Variants in OR1G1 observed in about 807,000 individuals in gnomAD.
OR1G1 encodes the protein olfactory receptor family 1 subfamily G member 1.
For synonymous variants in OR1G1, 145 were observed against 149.6 expected, an observed-to-expected ratio of 0.97 and a Z score of 0.22; for missense variants, 347 against 375.5, an observed-to-expected ratio of 0.92 and a Z score of 0.63.
At position 3,126,958 on chromosome 17, in the gene OR1G1, C is replaced by A; in HGVS notation, c.594G>T (p.Val198=). 5 of 1,614,132 alleles carry A rather than the reference C, an allele frequency of 3.1e-6. No individual in the cohort carries two copies. The highest frequency in any genetic ancestry group is 4.2e-6 in the Non-Finnish European group (5 of 1,180,030). ...SCTDPFTNEL[V]IFITGGLTGL... ...CTGTGAGACCCCCAGTGATGAAGAT[C>A]ACCAGCTCATTGGTGAAGGGGTCTG... The change falls in exon 1 of 1, where the codon GTG becomes GTT. Residue 198 remains valine (V), a synonymous_variant. Transcript: ENST00000328890.
In OR1G1 at chr17:3,127,020, A is replaced by G. The variant is rs1409301074; in HGVS notation, c.532T>C (p.Phe178Leu). 3 of 1,614,054 alleles carry G rather than the reference A, an allele frequency of 1.9e-6. No individual in the cohort carries two copies. Among genetic ancestry groups the G allele is most frequent in the Admixed American group, 3.3e-5 (2 of 59,998 alleles). Residue 178 changes from phenylalanine (F) to leucine (L), a missense_variant, in exon 1 of 1, where the codon TTC becomes CTC. Phe to Leu is a conservative substitution (Grantham distance 22). Transcript: ENST00000328890. ...FCANHEIPHF[F>L]CDINPLLSLS... ...CTCAGGAGGGGATTGATGTCACAGA[A>G]GAAGTGTGGGATCTCATGGTTTGCG...
rs1182713397 is a variant in OR1G1, at chr17:3,126,647, C to T, written c.905G>A (p.Arg302Lys). The change falls in exon 1 of 1, where the codon AGA (arginine) becomes AAA (lysine). Residue 302 changes from arginine to lysine, a missense_variant. Physicochemically the swap from Arg to Lys is conservative, Grantham distance 26. Transcript: ENST00000328890. ...LRNQEIKSSL[R>K]KLIWVRKIHS... ...AATTTTCCGAACCCAGATTAACTTT[C>T]TCAGGGAAGACTTTATTTCTTGGTT... The T allele has an allele frequency of 6.3e-7, 1 of 1,592,370 alleles. No individual in the cohort carries two copies. The highest frequency in any genetic ancestry group is 8.5e-7 in the Non-Finnish European group (1 of 1,171,822).
Position 3,127,417 on chromosome 17 carries a change from G to A in OR1G1, c.135C>T (p.Ile45=), listed in dbSNP as rs759166288. 6.2e-7 allele frequency: 1 copy of A among 1,614,096 alleles called. No individual in the cohort carries two copies. Among genetic ancestry groups the A allele is most frequent in the Non-Finnish European group, 8.5e-7 (1 of 1,180,000 alleles). ...YLVTVAGNLL[I]ILVIITDTQL... The stretch of plus-strand genomic sequence containing the variant: ...GAGTGTCAGTAATGATGACTAGAAT[G>A]ATGAGGAGGTTGCCTGCCACCGTGA... The change falls in exon 1 of 1, where the codon ATC becomes ATT. Residue 45 remains isoleucine, a synonymous_variant. Coordinates refer to ENST00000328890, the MANE Select transcript of OR1G1 (RefSeq NM_003555.1).
chr17:3,126,629 C>T lies in OR1G1; in HGVS notation c.923G>A (p.Arg308Gln), dbSNP rs748225161. 2.5e-5 allele frequency: 40 copies of T among 1,581,744 alleles called. No individual in the cohort carries two copies. In the East Asian group the frequency reaches 3.8e-4, roughly 15 times the overall value. The change falls in exon 1 of 1, where the codon CGG (arginine) becomes CAG (glutamine). Residue 308 changes from arginine (R) to glutamine (Q), a missense_variant. Arg to Gln is a conservative substitution (Grantham distance 43, BLOSUM62 1). Transcript: ENST00000328890. ...KSSLRKLIWVRKIHSP is the reference protein window; with the variant it reads ...KSSLRKLIWVQKIHSP ...CTACCACTAAGGGGAATGAATTTTC[C>T]GAACCCAGATTAACTTTCTCAGGGA...
At position 3,126,990 on chromosome 17, in the gene OR1G1, A is replaced by G. The variant is rs1248617443; in HGVS notation, c.562T>C (p.Ser188Pro). 2 of 1,614,068 alleles carry G rather than the reference A, an allele frequency of 1.2e-6. No individual in the cohort carries two copies. Among genetic ancestry groups the G allele is most frequent in the Non-Finnish European group, 1.7e-6 (2 of 1,180,032 alleles). Residue 188 changes from serine to proline, a missense_variant, in exon 1 of 1, where the codon TCC becomes CCC. Coordinates refer to ENST00000328890, the MANE Select transcript of OR1G1 (RefSeq NM_003555.1). Reference sequence around the variant, plus strand: ...TCATTGGTGAAGGGGTCTGTGCAGGACAGACTCAGGAGGGGATTGATGTCA... The same window carrying G: ...TCATTGGTGAAGGGGTCTGTGCAGGGCAGACTCAGGAGGGGATTGATGTCA... ...FCDINPLLSL[S>P]CTDPFTNELV...
chr17:3,127,483 C>T lies in OR1G1; in HGVS notation c.69G>A (p.Glu23=). 1 of 1,614,090 alleles carries T rather than the reference C, an allele frequency of 6.2e-7. No individual in the cohort carries two copies. The highest frequency in any genetic ancestry group is 1.1e-5 in the South Asian group (1 of 91,066). The change falls in exon 1 of 1, where the codon GAG becomes GAA. Residue 23 remains glutamate, a synonymous_variant. Transcript: ENST00000328890. The stretch of plus-strand genomic sequence containing the variant: ...GGAAGGACCCAAAGAGGGGCTTCTG[C>T]TCCTCCAGCTGCTCAGAGAACCCCA... ...FLLGFSEQLE[E]QKPLFGSFLF...
chr17:3,126,800 AAGAG>A lies in OR1G1; in HGVS notation c.748_751del (p.Leu250SerfsTer26). Reference sequence around the variant, plus strand: ...ATCAACACAAAAAGAAGTCCCAAAGAAGAGAGAGACCACGGAGAGATGAGAGCTG... The same window carrying A: ...ATCAACACAAAAAGAAGTCCCAAAGAAGAGACCACGGAGAGATGAGAGCTG... On this transcript the variant is annotated frameshift_variant, in exon 1 of 1. Coordinates refer to ENST00000328890, the MANE Select transcript of OR1G1 (RefSeq NM_003555.1). LOFTEE classifies it low-confidence loss of function (END_TRUNC). The A allele has an allele frequency of 1.2e-6, 2 of 1,613,942 alleles. No individual in the cohort carries two copies. Among genetic ancestry groups the A allele is most frequent in the South Asian group, 2.2e-5 (2 of 91,054 alleles).
chr17:3,126,995 C>T lies in OR1G1; in HGVS notation c.557G>A (p.Ser186Asn). 2.5e-6 allele frequency: 4 copies of T among 1,614,120 alleles called. No homozygotes were observed. The highest frequency in any genetic ancestry group is 3.4e-6 in the Non-Finnish European group (4 of 1,180,024). The stretch of plus-strand genomic sequence containing the variant: ...GGTGAAGGGGTCTGTGCAGGACAGA[C>T]TCAGGAGGGGATTGATGTCACAGAA... ...HFFCDINPLL[S>N]LSCTDPFTNE... Residue 186 changes from serine to asparagine, a missense_variant, in exon 1 of 1, where the codon AGT (serine) becomes AAT (asparagine). Ser to Asn is a conservative substitution (Grantham distance 46). Transcript: ENST00000328890.
rs754765135 is a variant in OR1G1 at position 3,127,542 on chromosome 17, TC to T, written c.9del (p.Asn5IlefsTer2). On this transcript the variant is annotated frameshift_variant, in exon 1 of 1. Transcript: ENST00000328890. LOFTEE classifies it low-confidence loss of function (END_TRUNC). ...CATTCTGAGATGCTGGTCAGATTTT[TC>T]CCCTCCATTTGTCTGTAGGAAGAAA... ME[G>X]KNLTSISECF... 1.1e-4 allele frequency: 171 copies of T among 1,612,468 alleles called. 2 individuals carry two copies. In the East Asian group the frequency reaches 3.7e-3, roughly 34 times the overall value.
rs774453558 is a variant in OR1G1 at position 3,127,300 on chromosome 17, G to C, written c.252C>G (p.Asn84Lys). The change falls in exon 1 of 1, where the codon AAC becomes AAG. Residue 84 changes from asparagine to lysine, a missense_variant. Physicochemically the swap from Asn to Lys is moderately conservative, Grantham distance 94. Transcript: ENST00000328890. Reference protein sequence around the residue: ...VSTTVPKMLANIQIQSQAISY... With the variant: ...VSTTVPKMLAKIQIQSQAISY... Reference sequence around the variant, plus strand: ...AGATGGCCTGACTCTGGATCTGTATGTTTGCCAGCATCTTAGGGACTGTGG... The same window carrying C: ...AGATGGCCTGACTCTGGATCTGTATCTTTGCCAGCATCTTAGGGACTGTGG... The C allele has an allele frequency of 1.9e-6, 3 of 1,614,076 alleles. No individual in the cohort carries two copies. The highest frequency in any genetic ancestry group is 2.7e-5 in the African/African-American group (2 of 74,912).
rs373657686 is a variant in OR1G1, at chr17:3,127,469, A to C, written c.83T>G (p.Phe28Cys). Residue 28 changes from phenylalanine (F) to cysteine (C), a missense_variant, in exon 1 of 1, where the codon TTT (phenylalanine) becomes TGT (cysteine). Phe to Cys is a radical substitution (Grantham distance 205). Coordinates refer to ENST00000328890, the MANE Select transcript of OR1G1 (RefSeq NM_003555.1). ...CAAGTACATGAACAGGAAGGACCCAAAGAGGGGCTTCTGCTCCTCCAGCTG... is the reference window on the plus strand; with the variant it reads ...CAAGTACATGAACAGGAAGGACCCACAGAGGGGCTTCTGCTCCTCCAGCTG... ...SEQLEEQKPL[F>C]GSFLFMYLVT... The C allele has an allele frequency of 1.2e-6, 2 of 1,614,054 alleles. No individual in the cohort carries two copies. The highest frequency in any genetic ancestry group is 4.5e-5 in the East Asian group (2 of 44,872).
In OR1G1 at chr17:3,127,098, T is replaced by C. The variant is rs1463116904; in HGVS notation, c.454A>G (p.Asn152Asp). ...IFLVSASWIM[N>D]ALHSLLHTLL... ...GTGTGTAGAAGGGAGTGGAGGGCATTCATGATCCAGGATGCAGACACGAGG... is the reference window on the plus strand; with the variant it reads ...GTGTGTAGAAGGGAGTGGAGGGCATCCATGATCCAGGATGCAGACACGAGG... Residue 152 changes from asparagine to aspartate, a missense_variant, in exon 1 of 1, where the codon AAT (asparagine) becomes GAT (aspartate). Physicochemically the swap from Asn to Asp is conservative, Grantham distance 23. Transcript: ENST00000328890. 1 of 1,613,740 alleles carries C rather than the reference T, an allele frequency of 6.2e-7. No homozygotes were observed. Among genetic ancestry groups the C allele is most frequent in the African/African-American group, 1.3e-5 (1 of 74,838 alleles).
Position 3,127,077 on chromosome 17 carries a change from G to T in OR1G1, c.475C>A (p.His159Asn), listed in dbSNP as rs2048000957. 1 of 1,614,068 alleles carries T rather than the reference G, an allele frequency of 6.2e-7. No homozygotes were observed. Among genetic ancestry groups the T allele is most frequent in the Non-Finnish European group, 8.5e-7 (1 of 1,180,046 alleles). Residue 159 changes from histidine to asparagine, a missense_variant, in exon 1 of 1, where the codon CAC (histidine) becomes AAC (asparagine). By Grantham distance (68) the His-to-Asn change is moderately conservative. Coordinates refer to ENST00000328890, the MANE Select transcript of OR1G1 (RefSeq NM_003555.1). The part of the protein sequence containing the change: ...WIMNALHSLL[H>N]TLLMNSLSFC... ...GACAGGCTGTTCATCAGAAGTGTGT[G>T]TAGAAGGGAGTGGAGGGCATTCATG...
At position 3,127,344 on chromosome 17, in the gene OR1G1, C is replaced by T. The variant is rs756027604; in HGVS notation, c.208G>A (p.Asp70Asn). ...ACTGTGGTGGACACAAAGCAGGCAT[C>T]TGCAAGGGAGAGGTTGGCTAGAAAG... is the stretch of plus-strand genomic sequence containing the variant. ...YFFLANLSLA[D>N]ACFVSTTVPK... The change falls in exon 1 of 1, where the codon GAT becomes AAT. Residue 70 changes from aspartate (D) to asparagine (N), a missense_variant. Physicochemically the swap from Asp to Asn is conservative, Grantham distance 23 (BLOSUM62 1). Coordinates refer to ENST00000328890, the MANE Select transcript of OR1G1 (RefSeq NM_003555.1). 2 of 1,614,154 alleles carry T rather than the reference C, an allele frequency of 1.2e-6. No individual in the cohort carries two copies. Among genetic ancestry groups the T allele is most frequent in the East Asian group, 2.2e-5 (1 of 44,880 alleles).
Position 3,127,045 on chromosome 17 carries a change from G to A in OR1G1, c.507C>T (p.Cys169=), listed in dbSNP as rs773807059. ...AGAAGTGTGGGATCTCATGGTTTGC[G>A]CAGAAGGACAGGCTGTTCATCAGAA... ...HTLLMNSLSF[C]ANHEIPHFFC... is the part of the protein sequence containing the mutation. Residue 169 remains cysteine, a synonymous_variant, in exon 1 of 1, where the codon TGC becomes TGT. Transcript: ENST00000328890. 37 of 1,614,010 alleles carry A rather than the reference G, an allele frequency of 2.3e-5. No individual in the cohort carries two copies. Among genetic ancestry groups the A allele is most frequent in the Non-Finnish European group, 2.8e-5 (33 of 1,180,042 alleles).
Position 3,127,051 on chromosome 17 carries a change from G to A in OR1G1, c.501C>T (p.Ser167=), listed in dbSNP as rs758986513. The A allele has an allele frequency of 5.0e-6, 8 of 1,614,148 alleles. No homozygotes were observed. Among genetic ancestry groups the A allele is most frequent in the East Asian group, 2.2e-5 (1 of 44,874 alleles). Residue 167 remains serine (S), a synonymous_variant, in exon 1 of 1, where the codon TCC becomes TCT. Coordinates refer to ENST00000328890, the MANE Select transcript of OR1G1 (RefSeq NM_003555.1). ...LLHTLLMNSL[S]FCANHEIPHF... Reference sequence around the variant, plus strand: ...GTGGGATCTCATGGTTTGCGCAGAAGGACAGGCTGTTCATCAGAAGTGTGT... The same window carrying A: ...GTGGGATCTCATGGTTTGCGCAGAAAGACAGGCTGTTCATCAGAAGTGTGT...
At position 3,126,853 on chromosome 17, in the gene OR1G1, C is replaced by T. The variant is rs146714964; in HGVS notation, c.699G>A (p.Gly233=). 3.1e-5 allele frequency: 50 copies of T among 1,613,986 alleles called. No homozygotes were observed. The African/African-American group carries it at 4.8e-4, about 16-fold the overall frequency. ...TGCAGGTGGAAAAGGCTTTCCGCTTCCCCTGAGCTGATGGGATCTTCAGGA... is the reference window on the plus strand; with the variant it reads ...TGCAGGTGGAAAAGGCTTTCCGCTTTCCCTGAGCTGATGGGATCTTCAGGA... ...STILKIPSAQ[G]KRKAFSTCSS... Residue 233 remains glycine, a synonymous_variant, in exon 1 of 1, where the codon GGG becomes GGA. Coordinates refer to ENST00000328890, the MANE Select transcript of OR1G1 (RefSeq NM_003555.1).
Position 3,127,488 on chromosome 17 carries a change from C to T in OR1G1, c.64G>A (p.Glu22Lys), listed in dbSNP as rs1273881726. 1.9e-6 allele frequency: 3 copies of T among 1,614,064 alleles called. No individual in the cohort carries two copies. The East Asian group carries it at 6.7e-5, about 36-fold the overall frequency. ...CFLLGFSEQL[E>K]EQKPLFGSFL... ...GACCCAAAGAGGGGCTTCTGCTCCTCCAGCTGCTCAGAGAACCCCAGGAGG... is the reference window on the plus strand; with the variant it reads ...GACCCAAAGAGGGGCTTCTGCTCCTTCAGCTGCTCAGAGAACCCCAGGAGG... The change falls in exon 1 of 1, where the codon GAG (glutamate) becomes AAG (lysine). Residue 22 changes from glutamate (E) to lysine (K), a missense_variant. Glu to Lys is a moderately conservative substitution (Grantham distance 56). Coordinates refer to ENST00000328890, the MANE Select transcript of OR1G1 (RefSeq NM_003555.1).
Position 3,127,468 on chromosome 17 carries a change from A to C in OR1G1, c.84T>G (p.Phe28Leu), listed in dbSNP as rs748602741. The C allele has an allele frequency of 6.2e-7, 1 of 1,614,082 alleles. No individual in the cohort carries two copies. Among genetic ancestry groups the C allele is most frequent in the Non-Finnish European group, 8.5e-7 (1 of 1,179,986 alleles). The part of the protein sequence containing the change: ...SEQLEEQKPL[F>L]GSFLFMYLVT... ...CCAAGTACATGAACAGGAAGGACCC[A>C]AAGAGGGGCTTCTGCTCCTCCAGCT... Residue 28 changes from phenylalanine to leucine, a missense_variant, in exon 1 of 1, where the codon TTT (phenylalanine) becomes TTG (leucine). Phe to Leu is a conservative substitution (Grantham distance 22). Coordinates refer to ENST00000328890, the MANE Select transcript of OR1G1 (RefSeq NM_003555.1).
Sources: allele counts gnomAD v4.1 joint callset, GRCh38; gene constraint gnomAD v4.1.1; transcripts MANE v1.5; gene names NCBI Gene and HGNC (gene_info 2026-07-23, HGNC 2026-07-21).